The following CENPP variants were observed in gnomAD, a reference collection of about 807,000 sequenced individuals.
The protein encoded by CENPP is centromere protein P.
In CENPP, 24 loss-of-function variants were observed where a neutral mutation model predicts 35.6. The observed-to-expected ratio is 0.67, with a 90% CI of 0.49 to 0.95. The LOEUF is 0.95. Ranked by LOEUF, CENPP falls within the 40% of genes least tolerant of loss-of-function variation. The pLI is 0.00. For missense variants in CENPP, 332 were observed against 345.3 expected (o/e 0.96, Z 0.31); for synonymous variants, 120 against 125.5 (o/e 0.96, Z 0.29).
chr9:92,532,021 TTTTTTTTATTTTA>T lies in CENPP; in HGVS notation c.565-79285_565-79273del, dbSNP rs1471224726. On this transcript the variant is annotated intron_variant, in intron 5 of 7. Coordinates refer to ENST00000375587, the MANE Select transcript of CENPP (RefSeq NM_001012267.3). ...TTTTCTTTTTTTATTTAATGTTTTT[TTTTTTTTATTTTA>T]TTTTTTTTTTGAGATGAGGTCTCAC... is the stretch of plus-strand genomic sequence containing the variant. 1.0e-4 allele frequency among the ~76,000 whole-genome samples: 13 copies of T among 127,226 alleles called. 4 individuals are homozygous for T. Among genetic ancestry groups the T allele is most frequent in the Admixed American group, 1.5e-4 (2 of 13,746 alleles). The allele number at this position is 127,226 out of a possible 152,430, so 83.5% of individuals were successfully genotyped here. A position where few individuals can be genotyped will look rare whatever the true frequency, so the allele number is the denominator to read the frequency against.
chr9:92,471,290 G>A (rs937160917), intron 5 of CENPP, among the ~76,000 whole-genome samples: 12 of 151,436 alleles, frequency 7.9e-5, no homozygotes, highest in African/African-American at 2.2e-4. Flanking sequence ...TCGGCCTCCC[G>A]GGTTCCAGCA....
chr9:92,424,944 G>C (rs1401179653), intron 5 of CENPP, among the ~76,000 whole-genome samples: 2 of 152,138 alleles, frequency 1.3e-5, no homozygotes, highest in African/African-American at 4.8e-5. Context: ...CCAAATTGCT[G>C]GGATTACAGG....
Position 92,543,471 on chromosome 9 carries a change from C to CAA in CENPP, c.565-67815_565-67814dup, listed in dbSNP as rs71362401. ...TGGGTGACAGAGTGAAACCCTGTCT[C>CAA]AAAAAAAAAAAAAAAAAAAAAAAAA... On this transcript the variant is annotated intron_variant, in intron 5 of 7. Coordinates refer to ENST00000375587, the MANE Select transcript of CENPP (RefSeq NM_001012267.3). Among the ~76,000 whole-genome samples, 99 of 44,540 alleles carry CAA rather than the reference C, an allele frequency of 2.2e-3. 6 individuals carry two copies. In the East Asian group the frequency reaches 0.028, roughly 13 times the overall value. The allele number at this position is 44,540 out of a possible 152,430, so 29.2% of individuals were successfully genotyped here. A position where few individuals can be genotyped will look rare whatever the true frequency, so the allele number is the denominator to read the frequency against.
intron 5 of CENPP, chr9:92,500,611 C>T (rs1215606362): frequency 9.5e-7 from 1 of 1,051,354 alleles, no homozygotes; most frequent in East Asian, 2.5e-5. Flanking sequence ...TAATCCAACC[C>T]CTTAGCACCA....
intron 5 of CENPP, among the ~76,000 whole-genome samples, chr9:92,440,537 A>T (rs1249149101): frequency 1.3e-5 from 2 of 152,104 alleles, no homozygotes; most frequent in Non-Finnish European, 2.9e-5. Context: ...TCCCTTAGTA[A>T]AAGTTCTCAA....
intron 5 of CENPP, among the ~76,000 whole-genome samples, chr9:92,532,041 T>TTTTTTTTTA (rs1433523712): frequency 7.0e-6 from 1 of 143,418 alleles, no homozygotes; most frequent in African/African-American, 2.7e-5. Flanking sequence ...TTTATTTTTT[T>TTTTTTTTTA]TTTGAGATGA....
rs757041514 is a variant in CENPP, at chr9:92,614,456, A to AAAAC, written c.*1309_*1312dup. The AAAAC allele has an allele frequency of 2.0e-5, 3 of 152,530 alleles. No individual in the cohort carries two copies. The highest frequency in any genetic ancestry group is 2.9e-5 in the Non-Finnish European group (2 of 68,058). 9.4% of individuals were successfully genotyped at this position (152,530 alleles called of 1,614,324 possible). ...AGACGGTGTCATTGGAAGTGAGAAG[A>AAAAC]AAACAGTAAAAGTGTCCAGTTAGAT... On this transcript the variant is annotated 3_prime_UTR_variant, in exon 8 of 8. Transcript: ENST00000375587.
intron 5 of CENPP, among the ~76,000 whole-genome samples, chr9:92,419,101 G>T (rs577866576): frequency 2.0e-5 from 3 of 152,196 alleles, no homozygotes; most frequent in African/African-American, 7.2e-5. Flanking sequence ...ATTGCAAAAG[G>T]GCACACTTCA....
chr9:92,403,551 G>T, intron 5 of CENPP: 1 of 1,365,116 alleles, frequency 7.3e-7, no homozygotes, highest in African/African-American at 1.5e-5. Flanking sequence ...CAGGGTGTGC[G>T]CAGTAAGGGC....
chr9:92,331,884 G>A (rs1223436510), intron 1 of CENPP, among the ~76,000 whole-genome samples: 6 of 152,066 alleles, frequency 3.9e-5, no homozygotes, highest in Non-Finnish European at 8.8e-5. Flanking sequence ...GGAGTTCAAG[G>A]CTGCAGTGCA....
chr9:92,455,317 G>A (rs1050018642), intron 5 of CENPP, among the ~76,000 whole-genome samples: 8 of 152,154 alleles, frequency 5.3e-5, no homozygotes, highest in Admixed American at 5.2e-4. Flanking sequence ...TTGAGCCTAG[G>A]AGTTTGTGGC....
intron 5 of CENPP, among the ~76,000 whole-genome samples, chr9:92,392,238 A>G (rs1437325533): frequency 6.6e-6 from 1 of 152,160 alleles, no homozygotes; most frequent in Non-Finnish European, 1.5e-5. Context: ...GAATCATCCA[A>G]GGAGTTTGTT....
intron 5 of CENPP, among the ~76,000 whole-genome samples, chr9:92,567,393 T>TATATATATATATATATAG (rs1554688302): frequency 1.6e-5 from 2 of 124,920 alleles, no homozygotes; most frequent in Non-Finnish European, 3.2e-5. Flanking sequence ...TATATATATA[T>TATATATATATATATATAG]ATAGATATAT....
intron 5 of CENPP, among the ~76,000 whole-genome samples, chr9:92,569,818 A>G (rs1850088635): frequency 6.6e-6 from 1 of 152,062 alleles, no homozygotes; most frequent in African/African-American, 2.4e-5. Flanking sequence ...TTGGATTCCT[A>G]GGTATTTTAT....
chr9:92,403,233 C>G, intron 5 of CENPP: 1 of 1,549,810 alleles, frequency 6.5e-7, no homozygotes, highest in Non-Finnish European at 8.8e-7. Context: ...AAATAAAGTA[C>G]CTTAATATTT....
chr9:92,570,085 T>C (rs1850095533), intron 5 of CENPP, among the ~76,000 whole-genome samples: 1 of 152,226 alleles, frequency 6.6e-6, no homozygotes, highest in South Asian at 2.1e-4. Flanking sequence ...TTCTCCCGCC[T>C]GATTGCTCTG....
At chr9:92,487,499 G>C (rs932543326) in intron 5 of CENPP, among the ~76,000 whole-genome samples, 4 of 151,314 alleles carry the variant, frequency 2.6e-5, no homozygotes, top group African/African-American at 9.8e-5. Flanking sequence ...AAAAGGATCA[G>C]AGTTTTTCCT....
At chr9:92,448,886 A>G (rs1208583605) in intron 5 of CENPP, among the ~76,000 whole-genome samples, 2 of 152,218 alleles carry the variant, frequency 1.3e-5, no homozygotes, top group African/African-American at 2.4e-5. Flanking sequence ...CATTTAAACT[A>G]TAGCCTAAAT....
intron 5 of CENPP, among the ~76,000 whole-genome samples, chr9:92,545,392 G>A (rs980147077): frequency 6.6e-6 from 1 of 152,176 alleles, no homozygotes; most frequent in Admixed American, 6.5e-5. Flanking sequence ...TTAGCACCCC[G>A]GCCAGCAGCT....
Sources: gnomAD v4.1 joint callset for allele counts (sites outside exome capture counted in the v4.1 genomes callset) on GRCh38, gnomAD v4.1.1 for gene constraint, MANE v1.5 for transcripts, NCBI Gene and HGNC (gene_info 2026-07-23, HGNC 2026-07-21) for gene names.